POU3F2: variants seen among roughly 807,000 people sequenced by gnomAD.
POU3F2 encodes the protein POU domain, class 3, transcription factor 2.
In POU3F2, 11 loss-of-function variants were observed where a neutral mutation model predicts 33.1. That is an observed-to-expected ratio of 0.33 (90% CI 0.21 to 0.55). POU3F2 has a LOEUF of 0.55. Among genes scored for constraint, POU3F2 ranks in the 20% least tolerant of loss-of-function variants. The probability of loss-of-function intolerance (pLI) is 0.91; values close to 1 mark genes in which losing one functional copy is unlikely to be tolerated. For synonymous variants in POU3F2, 332 were observed against 289.6 expected (o/e 1.15, Z -1.49); for missense variants, 456 against 620.2 (o/e 0.74, Z 2.81).
chr6:98,834,743 C>G lies in POU3F2; in HGVS notation c.-131C>G. 1 of 1,020,530 alleles carries G rather than the reference C, an allele frequency of 9.8e-7. No homozygotes were observed. Among genetic ancestry groups the G allele is most frequent in the Non-Finnish European group, 1.4e-6 (1 of 725,008 alleles). 63.2% of individuals were successfully genotyped at this position (1,020,530 alleles called of 1,614,324 possible). A position where few individuals can be genotyped will look rare whatever the true frequency, so the allele number is the denominator to read the frequency against. ...CAGCAACAGAAGGCGTCGGAGCGGG[C>G]GTCGGAGCTGCCCGCTGTGGGAGAG... On this transcript the variant is annotated 5_prime_UTR_variant, in exon 1 of 1. Coordinates refer to ENST00000328345, the MANE Select transcript of POU3F2 (RefSeq NM_005604.4).
Position 98,834,833 on chromosome 6 carries a change from C to T in POU3F2, c.-41C>T. On this transcript the variant is annotated 5_prime_UTR_variant, in exon 1 of 1. Transcript: ENST00000328345. Reference sequence around the variant, plus strand: ...GGCGAAAAAGTAACTGTCAAATGCGCGGCTCCTTTAACCGGAGCGCTCAGT... The same window carrying T: ...GGCGAAAAAGTAACTGTCAAATGCGTGGCTCCTTTAACCGGAGCGCTCAGT... 1 of 1,575,408 alleles carries T rather than the reference C, an allele frequency of 6.3e-7. No individual in the cohort carries two copies.
rs930525705 is a variant in POU3F2 at position 98,839,249 on chromosome 6, A to T, written c.*3044A>T. Reference sequence around the variant, plus strand: ...TGCTGTTTTGGAGAACATCAGTGGAACTAGGTGGACTTTGATCTCTACCCA... The same window carrying T: ...TGCTGTTTTGGAGAACATCAGTGGATCTAGGTGGACTTTGATCTCTACCCA... On this transcript the variant is annotated 3_prime_UTR_variant, in exon 1 of 1. Transcript: ENST00000328345. 1 of 152,194 alleles carries T rather than the reference A, an allele frequency of 6.6e-6. No individual in the cohort carries two copies. Among genetic ancestry groups the T allele is most frequent in the African/African-American group, 2.4e-5 (1 of 41,448 alleles). The allele number at this position is 152,194 out of a possible 1,614,324, so 9.4% of individuals were successfully genotyped here. A position where few individuals can be genotyped will look rare whatever the true frequency, so the allele number is the denominator to read the frequency against.
chr6:98,835,569 C>A lies in POU3F2; in HGVS notation c.696C>A (p.His232Gln). ...ATGCCGACCACCACCCGCACCCGCA[C>A]TCGCACCCACACCAGCAGCCGCCGC... ...PHHADHHPHP[H>Q]SHPHQQPPPP... is the part of the protein sequence containing the mutation. Residue 232 changes from histidine to glutamine, a missense_variant, in exon 1 of 1, where the codon CAC becomes CAA. This residue lies in a region of POU3F2 where 341 missense variants were observed against 382.4 expected (regional missense o/e 0.89). Coordinates refer to ENST00000328345, the MANE Select transcript of POU3F2 (RefSeq NM_005604.4). The surrounding 1 kb of genome is among the most constrained non-coding windows in gnomAD (Gnocchi z 9.7). 1.3e-6 allele frequency: 2 copies of A among 1,597,294 alleles called. No homozygotes were observed.
chr6:98,835,408 C>G lies in POU3F2; in HGVS notation c.535C>G (p.Pro179Ala), dbSNP rs1769982508. 6.3e-7 allele frequency: 1 copy of G among 1,586,854 alleles called. No homozygotes were observed. The highest frequency in any genetic ancestry group is 1.7e-5 in the Admixed American group (1 of 58,184). Reference sequence around the variant, plus strand: ...CGCGGCGGCTGCAGCGCACCTCCCACCCTCCATGGGAGCGTCCAACGGCGG... The same window carrying G: ...CGCGGCGGCTGCAGCGCACCTCCCAGCCTCCATGGGAGCGTCCAACGGCGG... The part of the protein sequence containing the change: ...RSAAAAAHLP[P>A]SMGASNGGLL... Residue 179 changes from proline to alanine, a missense_variant, in exon 1 of 1, where the codon CCC becomes GCC. By Grantham distance (27) the Pro-to-Ala change is conservative (BLOSUM62 -1). This residue lies in a region of POU3F2 where 341 missense variants were observed against 382.4 expected (regional missense o/e 0.89). Transcript: ENST00000328345. This position sits in a 1 kb window ranked among gnomAD's most constrained non-coding sequence, Gnocchi z 9.7.
In POU3F2 at chr6:98,838,017, A is replaced by C. The variant is rs1002457318; in HGVS notation, c.*1812A>C. 6 of 167,038 alleles carry C rather than the reference A, an allele frequency of 3.6e-5. No individual in the cohort carries two copies. Among genetic ancestry groups the C allele is most frequent in the African/African-American group, 1.4e-4 (6 of 41,456 alleles). 10.3% of individuals were successfully genotyped at this position (167,038 alleles called of 1,614,324 possible). ...CACTACCATAAAATTATGGTTCAGC[A>C]TCAGATTAGCATTGCACTCAGTAGT... is the stretch of plus-strand genomic sequence containing the variant. On this transcript the variant is annotated 3_prime_UTR_variant, in exon 1 of 1. Transcript: ENST00000328345.
rs762496643 is a variant in POU3F2 at position 98,836,055 on chromosome 6, G to A, written c.1182G>A (p.Glu394=). 4.4e-6 allele frequency: 7 copies of A among 1,605,626 alleles called. No homozygotes were observed. The highest frequency in any genetic ancestry group is 5.9e-6 in the Non-Finnish European group (7 of 1,177,876). Residue 394 remains glutamate, a synonymous_variant, in exon 1 of 1, where the codon GAG becomes GAA. Transcript: ENST00000328345. ...CCCTCGCGGACAGCTTACAGCTGGA[G>A]AAGGAGGTGGTGAGAGTTTGGTTTT... is the stretch of plus-strand genomic sequence containing the variant. ...ITSLADSLQL[E]KEVVRVWFCN...
Position 98,836,183 on chromosome 6 carries a change from G to C in POU3F2, c.1310G>C (p.Gly437Ala). 6.3e-7 allele frequency: 1 copy of C among 1,579,964 alleles called. No homozygotes were observed. Among genetic ancestry groups the C allele is most frequent in the Non-Finnish European group, 8.5e-7 (1 of 1,171,352 alleles). Residue 437 changes from glycine to alanine, a missense_variant, in exon 1 of 1, where the codon GGG becomes GCG. Physicochemically the swap from Gly to Ala is moderately conservative, Grantham distance 60. Around this residue, in one of 6 missense-constraint regions of POU3F2, gnomAD observed 46 missense variants for 45.6 expected, o/e 1.01. Transcript: ENST00000328345. ...GGSRDTPPHH[G>A]VQTPVQ ...AGTAGGGACACTCCACCACACCACG[G>C]GGTGCAGACGCCCGTCCAGTGAACT...
chr6:98,836,319 A>G lies in POU3F2; in HGVS notation c.*114A>G. On this transcript the variant is annotated 3_prime_UTR_variant, in exon 1 of 1. Coordinates refer to ENST00000328345, the MANE Select transcript of POU3F2 (RefSeq NM_005604.4). ...TCTGATTGTTCTTTTATTTTTAATT[A>G]TTATTTCCCCGTCCCTTAAAAAGAC... 5 of 1,296,304 alleles carry G rather than the reference A, an allele frequency of 3.9e-6. No individual in the cohort carries two copies. The highest frequency in any genetic ancestry group is 5.1e-6 in the Non-Finnish European group (5 of 981,838). The allele number at this position is 1,296,304 out of a possible 1,614,324, so 80.3% of individuals were successfully genotyped here. A position where few individuals can be genotyped will look rare whatever the true frequency, so the allele number is the denominator to read the frequency against.
In POU3F2 at chr6:98,834,679, A is replaced by AGGC. The variant is rs1236779696; in HGVS notation, c.-182_-180dup. The AGGC allele has an allele frequency of 5.4e-5, 33 of 613,962 alleles. No individual in the cohort carries two copies. The highest frequency in any genetic ancestry group is 3.9e-4 in the Admixed American group (13 of 33,046). The allele number at this position is 613,962 out of a possible 1,614,324, so 38.0% of individuals were successfully genotyped here. A position where few individuals can be genotyped will look rare whatever the true frequency, so the allele number is the denominator to read the frequency against. The stretch of plus-strand genomic sequence containing the variant: ...GAGAAAGAGAGCGAGGGCGGGCGGG[A>AGGC]GGCGGCGGCGGCGGCAGCAGCAGCA... On this transcript the variant is annotated 5_prime_UTR_variant, in exon 1 of 1. Transcript: ENST00000328345.
In POU3F2 at chr6:98,838,497, CT is replaced by C. The variant is rs934099184; in HGVS notation, c.*2301del. On this transcript the variant is annotated 3_prime_UTR_variant, in exon 1 of 1. Coordinates refer to ENST00000328345, the MANE Select transcript of POU3F2 (RefSeq NM_005604.4). ...TTTAAATGTTTCTTTGTCTATTTTT[CT>C]TTTTTTTTAATGCTACCCAGGGAAA... is the stretch of plus-strand genomic sequence containing the variant. The C allele has an allele frequency of 1.4e-4, 23 of 164,254 alleles. No individual in the cohort carries two copies. The highest frequency in any genetic ancestry group is 3.3e-4 in the Admixed American group (5 of 15,028). 10.2% of individuals were successfully genotyped at this position (164,254 alleles called of 1,614,324 possible).
rs1366760256 is a variant in POU3F2, at chr6:98,837,908, AAC to A, written c.*1706_*1707del. 6.0e-6 allele frequency: 1 copy of A among 166,686 alleles called. No individual in the cohort carries two copies. The highest frequency in any genetic ancestry group is 1.5e-5 in the Non-Finnish European group (1 of 68,124). 10.3% of individuals were successfully genotyped at this position (166,686 alleles called of 1,614,324 possible). ...AGCACAAAAGGGCGCTAAAAGGGAA[AAC>A]ACTTTTTATTAATCTTAAAAGTTTG... On this transcript the variant is annotated 3_prime_UTR_variant, in exon 1 of 1. Transcript: ENST00000328345.
chr6:98,835,116 G>GGGCGGCGGCGGGGGCGGC lies in POU3F2; in HGVS notation c.248_265dup (p.Gly83_Gly88dup), dbSNP rs1769974489. The GGGCGGCGGCGGGGGCGGC allele has an allele frequency of 8.3e-7, 1 of 1,208,782 alleles. No homozygotes were observed. The highest frequency in any genetic ancestry group is 1.0e-6 in the Non-Finnish European group (1 of 974,336). 74.9% of individuals were successfully genotyped at this position (1,208,782 alleles called of 1,614,324 possible). A position where few individuals can be genotyped will look rare whatever the true frequency, so the allele number is the denominator to read the frequency against. ...GCGGTGGCGGCGGCGGGGGGGGCGGGGGCGGCGGCGGGGGCGGCGGCGACG... is the reference window on the plus strand; with the variant it reads ...GCGGTGGCGGCGGCGGGGGGGGCGGGGGCGGCGGCGGGGGCGGCGGCGGCGGCGGGGGCGGCGGCGACG... On this transcript the variant is annotated inframe_insertion, in exon 1 of 1. Transcript: ENST00000328345. The surrounding 1 kb of genome is among the most constrained non-coding windows in gnomAD (Gnocchi z 9.7).
chr6:98,837,343 T>C lies in POU3F2; in HGVS notation c.*1138T>C, dbSNP rs12665323. ...AAGTACATATCTTCAGATATCCCTA[T>C]ATAGTTCTCTACCTTCAGTTTTAGT... On this transcript the variant is annotated 3_prime_UTR_variant, in exon 1 of 1. Transcript: ENST00000328345. 6.3e-3 allele frequency: 1,050 copies of C among 167,196 alleles called. 13 individuals carry two copies. Among genetic ancestry groups the C allele is most frequent in the South Asian group, 0.024 (115 of 4,816 alleles). The allele number at this position is 167,196 out of a possible 1,614,324, so 10.4% of individuals were successfully genotyped here.
In POU3F2 at chr6:98,834,748, G is replaced by C; in HGVS notation, c.-126G>C. On this transcript the variant is annotated 5_prime_UTR_variant, in exon 1 of 1. Transcript: ENST00000328345. The stretch of plus-strand genomic sequence containing the variant: ...ACAGAAGGCGTCGGAGCGGGCGTCG[G>C]AGCTGCCCGCTGTGGGAGAGAGAGG... 9.0e-7 allele frequency: 1 copy of C among 1,106,514 alleles called. No individual in the cohort carries two copies. Among genetic ancestry groups the C allele is most frequent in the South Asian group, 1.5e-5 (1 of 64,570 alleles). 68.5% of individuals were successfully genotyped at this position (1,106,514 alleles called of 1,614,324 possible). A position where few individuals can be genotyped will look rare whatever the true frequency, so the allele number is the denominator to read the frequency against.
In POU3F2 at chr6:98,837,359, C is replaced by A. The variant is rs942158756; in HGVS notation, c.*1154C>A. ...ATATCCCTATATAGTTCTCTACCTT[C>A]AGTTTTAGTAACAATTATGAAGAAT... On this transcript the variant is annotated 3_prime_UTR_variant, in exon 1 of 1. Transcript: ENST00000328345. The A allele has an allele frequency of 7.8e-5, 13 of 167,008 alleles. No individual in the cohort carries two copies. The highest frequency in any genetic ancestry group is 7.2e-4 in the Admixed American group (11 of 15,290). The allele number at this position is 167,008 out of a possible 1,614,324, so 10.3% of individuals were successfully genotyped here. A position where few individuals can be genotyped will look rare whatever the true frequency, so the allele number is the denominator to read the frequency against.
chr6:98,836,243 C>T lies in POU3F2; in HGVS notation c.*38C>T, dbSNP rs556732734. Reference sequence around the variant, plus strand: ...GGAGGGGCAGAGCGCGGGGCTCCCCCTCCCCTTCGGTCCTTGGCCCTTTCC... The same window carrying T: ...GGAGGGGCAGAGCGCGGGGCTCCCCTTCCCCTTCGGTCCTTGGCCCTTTCC... On this transcript the variant is annotated 3_prime_UTR_variant, in exon 1 of 1. Transcript: ENST00000328345. 53 of 1,543,258 alleles carry T rather than the reference C, an allele frequency of 3.4e-5. No individual in the cohort carries two copies. The highest frequency in any genetic ancestry group is 4.3e-5 in the Non-Finnish European group (50 of 1,154,306).
At position 98,834,862 on chromosome 6, in the gene POU3F2, G is replaced by A; in HGVS notation, c.-12G>A. ...TCCTTTAACCGGAGCGCTCAGTCCG[G>A]CTCCGAGAGTCATGGCGACCGCAGC... On this transcript the variant is annotated 5_prime_UTR_variant, in exon 1 of 1. Coordinates refer to ENST00000328345, the MANE Select transcript of POU3F2 (RefSeq NM_005604.4). 1 of 1,595,394 alleles carries A rather than the reference G, an allele frequency of 6.3e-7. No homozygotes were observed. Among genetic ancestry groups the A allele is most frequent in the Non-Finnish European group, 8.5e-7 (1 of 1,177,612 alleles).
rs532674586 is a variant in POU3F2, at chr6:98,835,287, A to G, written c.414A>G (p.Gln138=). 9.1e-6 allele frequency: 14 copies of G among 1,545,268 alleles called. No homozygotes were observed. In the South Asian group the frequency reaches 1.6e-4, roughly 17 times the overall value. ...AGCAGCAACAGCAACAGCAGCAGCA[A>G]CAGCAGCAACAGCAGCAGCAGCAGC... is the stretch of plus-strand genomic sequence containing the variant. ...HQQQQQQQQQ[Q]QQQQQQQQQQ... is the part of the protein sequence containing the mutation. Residue 138 remains glutamine, a synonymous_variant, in exon 1 of 1, where the codon CAA becomes CAG. Coordinates refer to ENST00000328345, the MANE Select transcript of POU3F2 (RefSeq NM_005604.4). This position sits in a 1 kb window ranked among gnomAD's most constrained non-coding sequence, Gnocchi z 9.7.
chr6:98,835,174 C>T lies in POU3F2; in HGVS notation c.301C>T (p.Pro101Ser), dbSNP rs1332058662. The change falls in exon 1 of 1, where the codon CCG (proline) becomes TCG (serine). Residue 101 changes from proline (P) to serine (S), a missense_variant. Pro to Ser is a moderately conservative substitution (Grantham distance 74). Around this residue, in one of 6 missense-constraint regions of POU3F2, gnomAD observed 341 missense variants for 382.4 expected, o/e 0.89. Transcript: ENST00000328345. The surrounding 1 kb of genome is among the most constrained non-coding windows in gnomAD (Gnocchi z 9.7). Reference sequence around the variant, plus strand: ...GTGGTCCACCAGCCCCCTGGGCCAGCCGGACATCAAGCCCTCGGTGGTGGT... The same window carrying T: ...GTGGTCCACCAGCCCCCTGGGCCAGTCGGACATCAAGCCCTCGGTGGTGGT... ...SPWSTSPLGQPDIKPSVVVQQ... is the reference protein window; with the variant it reads ...SPWSTSPLGQSDIKPSVVVQQ... 6.8e-7 allele frequency: 1 copy of T among 1,481,006 alleles called. No individual in the cohort carries two copies. The highest frequency in any genetic ancestry group is 8.9e-7 in the Non-Finnish European group (1 of 1,120,192). The allele number at this position is 1,481,006 out of a possible 1,614,324, so 91.7% of individuals were successfully genotyped here.
Sources: allele counts gnomAD v4.1 joint callset, GRCh38; gene constraint gnomAD v4.1.1; regional missense constraint gnomAD v4.1.1; non-coding constraint Gnocchi (gnomAD v3.1); transcripts MANE v1.5; gene names NCBI Gene and HGNC (gene_info 2026-07-23, HGNC 2026-07-21).